CIB1: variants seen among roughly 807,000 people sequenced by gnomAD.
CIB1 encodes calcium and integrin-binding protein 1.
In CIB1, 19 loss-of-function variants were observed where a neutral mutation model predicts 25.0. That is an observed-to-expected ratio of 0.76 (90% CI 0.53 to 1.12). The LOEUF is 1.12. CIB1 is among the 50% of genes most tolerant of loss of function. The pLI is 0.00. For missense variants in CIB1, 236 were observed against 242.6 expected (o/e 0.97, Z 0.18); for synonymous variants, 104 against 98.5 (o/e 1.06, Z -0.33).
chr15:90,265,593 G>A, the CIB1 span: 1 of 1,423,518 alleles, frequency 7.0e-7, no homozygotes, highest in Non-Finnish European at 9.5e-7. Context: ...CCCCCACCAA[G>A]TGAAGCGGGA....
upstream of CIB1, among the ~76,000 whole-genome samples, chr15:90,235,294 G>A (rs930927147): frequency 2.0e-5 from 3 of 152,168 alleles, no homozygotes; most frequent in African/African-American, 7.2e-5. Context: ...GGCCAGGCGC[G>A]GTGGCTCATG....
chr15:90,262,029 A>G, the CIB1 span: 1 of 1,535,038 alleles, frequency 6.5e-7, no homozygotes, highest in Non-Finnish European at 8.7e-7. Context: ...GAGTCATCCC[A>G]TGTGGCAATG....
the CIB1 span, chr15:90,262,838 G>A: frequency 2.4e-6 from 3 of 1,267,076 alleles, no homozygotes; most frequent in Non-Finnish European, 3.2e-6. Context: ...AGAATGGACA[G>A]CAAAAGGAAC....
the CIB1 span, chr15:90,250,502 A>C: frequency 8.4e-7 from 1 of 1,185,252 alleles, no homozygotes; most frequent in Non-Finnish European, 1.2e-6. Context: ...CTGAAGGGGC[A>C]GCAACTTTCC....
At chr15:90,261,880 T>C in the CIB1 span, 1 of 727,384 alleles carries the variant, frequency 1.4e-6, no homozygotes, top group Non-Finnish European at 2.1e-6. Context: ...CAGCTTTCCC[T>C]ACTTGGGCAG....
the CIB1 span, chr15:90,251,497 C>A: frequency 1.3e-6 from 2 of 1,507,776 alleles, no homozygotes; most frequent in Non-Finnish European, 1.8e-6. Context: ...GTCTTTTCAT[C>A]TGAGTACCTG....
the CIB1 span, among the ~76,000 whole-genome samples, chr15:90,251,840 A>AG: frequency 6.6e-6 from 1 of 150,694 alleles, no homozygotes; most frequent in Admixed American, 6.6e-5. Context: ...AAAAAAAAAA[A>AG]GTCCAAGAGC....
the CIB1 span, among the ~76,000 whole-genome samples, chr15:90,247,394 A>G: frequency 1.3e-5 from 2 of 150,232 alleles, no homozygotes; most frequent in Admixed American, 6.6e-5. Flanking sequence ...CAGCTTCCCA[A>G]GGTGCTGGGA....
At chr15:90,253,432 T>A in the CIB1 span, 1 of 1,230,244 alleles carries the variant, frequency 8.1e-7, no homozygotes, top group African/African-American at 1.5e-5. Context: ...TCCCACCTCC[T>A]TGCCCAGGCA....
chr15:90,265,465 T>C, the CIB1 span: 4 of 1,363,260 alleles, frequency 2.9e-6, no homozygotes, highest in South Asian at 6.7e-5. Context: ...TAATTAAAGT[T>C]TATGCAGTTT....
chr15:90,241,818 T>A, the CIB1 span: 1 of 1,614,208 alleles, frequency 6.2e-7, no homozygotes. Context: ...ATCACCTTCC[T>A]CAGCCCTCAC....
At chr15:90,257,250 CGCCCTATATGGA>C in the CIB1 span, 1 of 1,613,906 alleles carries the variant, frequency 6.2e-7, no homozygotes, top group Non-Finnish European at 8.5e-7. Flanking sequence ...TTTGCCACCA[CGCCCTATATGGA>C]GCCCAGCCAT....
the CIB1 span, among the ~76,000 whole-genome samples, chr15:90,239,335 G>A: frequency 6.6e-6 from 1 of 150,988 alleles, no homozygotes; most frequent in African/African-American, 2.5e-5. Context: ...GTGTGTGTGT[G>A]TGTGTATTAG....
rs1324180668 is a variant in CIB1 at position 90,230,444 on chromosome 15, GT to G, written c.*39del. On this transcript the variant is annotated 3_prime_UTR_variant, in exon 7 of 7. Coordinates refer to ENST00000328649, the MANE Select transcript of CIB1 (RefSeq NM_006384.4). ...TTGGCCACAGCTCAGCAGTAGAAAG[GT>G]TCTTGGACAGGGTGCCAGGACACAC... 6.4e-7 allele frequency: 1 copy of G among 1,550,926 alleles called. No homozygotes were observed. The highest frequency in any genetic ancestry group is 2.4e-5 in the East Asian group (1 of 40,912).
chr15:90,255,746 G>A, the CIB1 span: 2 of 1,614,142 alleles, frequency 1.2e-6, no homozygotes, highest in Non-Finnish European at 1.7e-6. Flanking sequence ...CTAACTGGCT[G>A]TGTTTCAGAA....
chr15:90,251,519 C>T, the CIB1 span: 1 of 1,599,168 alleles, frequency 6.3e-7, no homozygotes, highest in South Asian at 1.1e-5. Context: ...CCTTCCCTCC[C>T]ACTCTTCCTG....
the CIB1 span, chr15:90,262,419 A>T: frequency 7.2e-7 from 1 of 1,394,646 alleles, no homozygotes; most frequent in Non-Finnish European, 9.4e-7. Context: ...CTCTTTCCTC[A>T]TCCCCATTTT....
the CIB1 span, chr15:90,258,373 G>A: frequency 1.0e-6 from 1 of 994,870 alleles, no homozygotes; most frequent in Non-Finnish European, 1.6e-6. Flanking sequence ...CAGAATGGGA[G>A]ATGTGAAAGC....
At chr15:90,256,473 CA>C in the CIB1 span, among the ~76,000 whole-genome samples, 1 of 152,190 alleles carries the variant, frequency 6.6e-6, no homozygotes, top group East Asian at 1.9e-4. Flanking sequence ...GGTTGAATCT[CA>C]GTTTCCACTT....
Sources: allele counts gnomAD v4.1 joint callset (sites outside exome capture counted in the v4.1 genomes callset), GRCh38; gene constraint gnomAD v4.1.1; transcripts MANE v1.5; gene names NCBI Gene and HGNC (gene_info 2026-07-23, HGNC 2026-07-21).